SH3RF1: variants seen among roughly 807,000 people sequenced by gnomAD.
SH3RF1 encodes E3 ubiquitin-protein ligase SH3RF1.
Under a neutral mutation model 74.0 loss-of-function variants are expected in SH3RF1, and 32 were observed. The ratio of observed to expected loss-of-function variants is 0.43; its 90% CI spans 0.33 to 0.58. The LOEUF (loss-of-function observed/expected upper bound fraction) is 0.58. SH3RF1 is among the 20% of genes least tolerant of loss of function. The pLI is 0.05. For missense variants in SH3RF1, 954 were observed against 1,130.9 expected, an observed-to-expected ratio of 0.84 and a Z score of 2.24; for synonymous variants, 396 against 439.6, an observed-to-expected ratio of 0.90 and a Z score of 1.24.
chr4:169,259,140 C>A (rs1276662152), intron 2 of SH3RF1, among the ~76,000 whole-genome samples: 2 of 152,136 alleles, frequency 1.3e-5, no homozygotes, highest in Non-Finnish European at 2.9e-5. Flanking sequence ...CCTGTTCATT[C>A]ATTCCTGAAT....
rs1732904284 is a variant in SH3RF1 at position 169,095,553 on chromosome 4, C to T, written c.*966G>A. 6.6e-6 allele frequency: 1 copy of T among 152,616 alleles called. No homozygotes were observed. The highest frequency in any genetic ancestry group is 1.5e-5 in the Non-Finnish European group (1 of 68,042). 9.5% of individuals were successfully genotyped at this position (152,616 alleles called of 1,614,324 possible). A position where few individuals can be genotyped will look rare whatever the true frequency, so the allele number is the denominator to read the frequency against. ...TATAGCCTTTGACTTAACACGAGTG[C>T]ATCACTTACCACCACTATCTCACAA... On this transcript the variant is annotated 3_prime_UTR_variant, in exon 12 of 12. Coordinates refer to ENST00000284637, the MANE Select transcript of SH3RF1 (RefSeq NM_020870.4).
chr4:169,253,548 C>T (rs1469201402), intron 2 of SH3RF1, among the ~76,000 whole-genome samples: 1 of 152,154 alleles, frequency 6.6e-6, no homozygotes, highest in Non-Finnish European at 1.5e-5. Context: ...CTTTCCGCTC[C>T]ATTCTCAATA....
At chr4:169,113,157 CTGGAG>C (rs1301640895) in intron 10 of SH3RF1, among the ~76,000 whole-genome samples, 1 of 152,048 alleles carries the variant, frequency 6.6e-6, no homozygotes, top group African/African-American at 2.4e-5. Flanking sequence ...GTTGCCCAGG[CTGGAG>C]TGCAGTGGTG....
intron 5 of SH3RF1, 55 bp from the exon 6 acceptor site, chr4:169,130,211 A>G: frequency 8.3e-7 from 1 of 1,210,152 alleles, no homozygotes; most frequent in South Asian, 1.8e-5. Context: ...ACAACAGAAT[A>G]TACTGGCTAA....
chr4:169,230,255 A>G (rs1279552385), intron 2 of SH3RF1, among the ~76,000 whole-genome samples: 1 of 152,220 alleles, frequency 6.6e-6, no homozygotes, highest in Admixed American at 6.5e-5. Context: ...TAAATGGTGC[A>G]CAGCTAAATG....
chr4:169,226,879 A>G (rs895165269), intron 2 of SH3RF1, among the ~76,000 whole-genome samples: 3 of 152,196 alleles, frequency 2.0e-5, no homozygotes, highest in Non-Finnish European at 4.4e-5. Context: ...TTAAAAATAC[A>G]TAAGAGGCCA....
At chr4:169,243,834 T>A (rs2110737418) in intron 2 of SH3RF1, among the ~76,000 whole-genome samples, 1 of 152,376 alleles carries the variant, frequency 6.6e-6, no homozygotes, top group Middle Eastern at 3.4e-3. Context: ...TGACTTAGAA[T>A]GTCTAGAAAT....
intron 4 of SH3RF1, among the ~76,000 whole-genome samples, chr4:169,138,370 T>G (rs1733733587): frequency 6.6e-6 from 1 of 152,132 alleles, no homozygotes; most frequent in Non-Finnish European, 1.5e-5. Context: ...CTTCATCTCC[T>G]CCATCCCAAA....
intron 2 of SH3RF1, among the ~76,000 whole-genome samples, chr4:169,248,631 G>T (rs921981825): frequency 1.3e-5 from 2 of 152,140 alleles, no homozygotes; most frequent in African/African-American, 4.8e-5. Context: ...TTCTGTACAT[G>T]TATCCCAGAA....
chr4:169,142,069 C>T (rs1048025825), intron 4 of SH3RF1, among the ~76,000 whole-genome samples: 3 of 152,084 alleles, frequency 2.0e-5, no homozygotes, highest in Non-Finnish European at 4.4e-5. Context: ...CCACCTGCCT[C>T]GGCCTCCCAA....
rs144910796 is a variant in SH3RF1, at chr4:169,128,783, A to G, written c.1179+1263T>C. ...CAGAGGGAAATAAAATCTTTACAACATGTATAAAACCCACAACCTAAAAAC... is the reference window on the plus strand; with the variant it reads ...CAGAGGGAAATAAAATCTTTACAACGTGTATAAAACCCACAACCTAAAAAC... On this transcript the variant is annotated intron_variant, in intron 6 of 11. Coordinates refer to ENST00000284637, the MANE Select transcript of SH3RF1 (RefSeq NM_020870.4). Among the ~76,000 whole-genome samples the G allele has an allele frequency of 8.0e-3, 1,214 of 152,314 alleles. 23 individuals carry two copies. The highest frequency in any genetic ancestry group is 0.027 in the African/African-American group (1,125 of 41,540).
chr4:169,119,326 T>C (rs1263666934), intron 8 of SH3RF1, among the ~76,000 whole-genome samples: 3 of 142,886 alleles, frequency 2.1e-5, no homozygotes, highest in Non-Finnish European at 1.5e-5. Context: ...GGTTTCACCA[T>C]GTTGGTCAGG....
chr4:169,188,762 CA>C, intron 2 of SH3RF1, among the ~76,000 whole-genome samples: 1 of 152,114 alleles, frequency 6.6e-6, no homozygotes, highest in Non-Finnish European at 1.5e-5. Flanking sequence ...CAGAAGTGGC[CA>C]AAATTGGCAA....
intron 2 of SH3RF1, among the ~76,000 whole-genome samples, chr4:169,194,642 TGTTA>T (rs1734781512): frequency 6.6e-6 from 1 of 152,178 alleles, no homozygotes; most frequent in Non-Finnish European, 1.5e-5. Context: ...TCTTTCCAGG[TGTTA>T]GTTATTATGA....
intron 2 of SH3RF1, among the ~76,000 whole-genome samples, chr4:169,253,697 C>T (rs1312508220): frequency 1.3e-5 from 2 of 152,172 alleles, no homozygotes; most frequent in African/African-American, 4.8e-5. Flanking sequence ...TACAGATGAT[C>T]TGCATCAAAA....
At chr4:169,153,547 T>C (rs1734005189) in intron 4 of SH3RF1, among the ~76,000 whole-genome samples, 1 of 152,168 alleles carries the variant, frequency 6.6e-6, no homozygotes, top group Non-Finnish European at 1.5e-5. Context: ...CAGCTAAGAA[T>C]GCCCTGTAAG....
intron 2 of SH3RF1, among the ~76,000 whole-genome samples, chr4:169,199,904 A>G (rs185100488): frequency 2.0e-5 from 3 of 152,340 alleles, no homozygotes; most frequent in Non-Finnish European, 4.4e-5. Context: ...TTTTAAAACA[A>G]TAACAAAATG....
chr4:169,192,356 T>C lies in SH3RF1; in HGVS notation c.394-35677A>G, dbSNP rs531229649. ...AATAGACAGTTCGCAAAAGAAGATATACAAATGGCCAACAAACATATGAAA... is the reference window on the plus strand; with the variant it reads ...AATAGACAGTTCGCAAAAGAAGATACACAAATGGCCAACAAACATATGAAA... On this transcript the variant is annotated intron_variant, in intron 2 of 11. Coordinates refer to ENST00000284637, the MANE Select transcript of SH3RF1 (RefSeq NM_020870.4). Among the ~76,000 whole-genome samples the C allele has an allele frequency of 4.1e-4, 62 of 151,730 alleles. 2 individuals are homozygous for C. The South Asian group carries it at 0.012, about 31-fold the overall frequency.
intron 7 of SH3RF1, 57 bp downstream of exon 7, chr4:169,122,043 G>C: frequency 6.3e-7 from 1 of 1,593,738 alleles, no homozygotes; most frequent in African/African-American, 1.3e-5. Context: ...TGACCTCTGA[G>C]GTTTGGACTT....
Sources: allele counts gnomAD v4.1 joint callset (sites outside exome capture counted in the v4.1 genomes callset), GRCh38; gene constraint gnomAD v4.1.1; transcripts MANE v1.5; gene names NCBI Gene and HGNC (gene_info 2026-07-23, HGNC 2026-07-21).